Variants in ADGRB3 observed in about 807,000 individuals in gnomAD.
The protein encoded by ADGRB3 is brain-specific angiogenesis inhibitor 3.
In ADGRB3, 37 loss-of-function variants were observed where a neutral mutation model predicts 193.4. The ratio of observed to expected loss-of-function variants is 0.19; its 90% CI spans 0.15 to 0.25. ADGRB3 has a LOEUF of 0.25. Among genes scored for constraint, ADGRB3 ranks in the 10% least tolerant of loss-of-function variants. The probability of loss-of-function intolerance (pLI) is 1.00; values close to 1 mark genes in which losing one functional copy is unlikely to be tolerated. For missense variants in ADGRB3, 1,637 were observed against 1,852.9 expected (o/e 0.88, Z 2.14); for synonymous variants, 690 against 644.2 (o/e 1.07, Z -1.08).
At chr6:68,796,674 G>A (rs1006098371) in intron 3 of ADGRB3, among the ~76,000 whole-genome samples, 3 of 152,136 alleles carry the variant, frequency 2.0e-5, no homozygotes, top group Non-Finnish European at 4.4e-5. Flanking sequence ...TCTGTGCAAT[G>A]CAATGTTTGC....
intron 13 of ADGRB3, among the ~76,000 whole-genome samples, chr6:69,023,086 A>G (rs565475716): frequency 6.6e-6 from 1 of 152,228 alleles, no homozygotes; most frequent in South Asian, 2.1e-4. Context: ...ACTGAATTCA[A>G]GGAAGATCAG....
intron 3 of ADGRB3, among the ~76,000 whole-genome samples, chr6:68,899,863 A>G (rs1330919890): frequency 6.6e-6 from 1 of 152,124 alleles, no homozygotes; most frequent in Non-Finnish European, 1.5e-5. Flanking sequence ...ACAATGTGTT[A>G]GATAACTCTA....
chr6:68,785,927 A>G (rs1582200153), intron 3 of ADGRB3, among the ~76,000 whole-genome samples: 1 of 151,912 alleles, frequency 6.6e-6, no homozygotes, highest in Non-Finnish European at 1.5e-5. Flanking sequence ...GCATTTTTTC[A>G]TGTGTTTTTT....
intron 20 of ADGRB3, among the ~76,000 whole-genome samples, chr6:69,313,748 T>C (rs1474201483): frequency 6.6e-6 from 1 of 151,756 alleles, no homozygotes; most frequent in Non-Finnish European, 1.5e-5. Context: ...ACCCTTTGCT[T>C]ATTTATTTAA....
In ADGRB3 at chr6:68,959,746, A is replaced by T. The variant is rs140185199; in HGVS notation, c.1525+2937A>T. Among the ~76,000 whole-genome samples the T allele has an allele frequency of 3.2e-3, 493 of 152,242 alleles. 6 individuals carry two copies. The highest frequency in any genetic ancestry group is 0.011 in the African/African-American group (468 of 41,560). ...AATGTATTTCTTTTGTTTTCATAAAAAATAATTGTAGAAATAAGAAAACAT... is the reference window on the plus strand; with the variant it reads ...AATGTATTTCTTTTGTTTTCATAAATAATAATTGTAGAAATAAGAAAACAT... On this transcript the variant is annotated intron_variant, in intron 8 of 31. Transcript: ENST00000370598.
chr6:69,217,761 C>A (rs1052046790), intron 17 of ADGRB3, among the ~76,000 whole-genome samples: 15 of 152,164 alleles, frequency 9.9e-5, no homozygotes, highest in African/African-American at 3.6e-4. Flanking sequence ...CTCTTCACAG[C>A]CCCTTTGGCA....
At chr6:69,028,094 G>C (rs1358595255) in intron 13 of ADGRB3, among the ~76,000 whole-genome samples, 1 of 152,176 alleles carries the variant, frequency 6.6e-6, no homozygotes, top group Non-Finnish European at 1.5e-5. Context: ...TCAGCATTCT[G>C]TCATCATCCC....
chr6:68,832,594 T>C (rs1181262077), intron 3 of ADGRB3, among the ~76,000 whole-genome samples: 2 of 152,162 alleles, frequency 1.3e-5, no homozygotes, highest in Admixed American at 1.3e-4. Flanking sequence ...TCAATGTATC[T>C]TTTTTATCTA....
intron 20 of ADGRB3, among the ~76,000 whole-genome samples, chr6:69,304,085 C>T (rs1026716316): frequency 1.3e-4 from 20 of 151,520 alleles, no homozygotes; most frequent in Admixed American, 1.2e-3. Context: ...AACCAAAATA[C>T]AAGGGTTTTT....
intron 3 of ADGRB3, among the ~76,000 whole-genome samples, chr6:68,691,285 T>A (rs1765067582): frequency 6.6e-6 from 1 of 152,102 alleles, no homozygotes; most frequent in Non-Finnish European, 1.5e-5. Context: ...TTTCTTGCTT[T>A]TCTCTGAAAT....
intron 17 of ADGRB3, among the ~76,000 whole-genome samples, chr6:69,181,421 T>C (rs1280953645): frequency 6.6e-6 from 1 of 152,154 alleles, no homozygotes; most frequent in Non-Finnish European, 1.5e-5. Flanking sequence ...CATTTTTTTG[T>C]TTAAATTTCA....
At chr6:68,655,104 T>C (rs1047762659) in intron 3 of ADGRB3, among the ~76,000 whole-genome samples, 2 of 150,916 alleles carry the variant, frequency 1.3e-5, no homozygotes, top group Non-Finnish European at 3.0e-5. Context: ...TGTTACATAC[T>C]AGATTCTACA....
intron 20 of ADGRB3, among the ~76,000 whole-genome samples, chr6:69,290,101 G>A (rs1440018192): frequency 6.6e-6 from 1 of 152,046 alleles, no homozygotes; most frequent in Non-Finnish European, 1.5e-5. Flanking sequence ...TAAGCTCAGA[G>A]GATTAATTGT....
intron 17 of ADGRB3, among the ~76,000 whole-genome samples, chr6:69,212,532 A>T (rs1765689754): frequency 6.6e-6 from 1 of 152,152 alleles, no homozygotes; most frequent in Admixed American, 6.5e-5. Context: ...AAAGAAAAAA[A>T]AAATAAAGGA....
At chr6:69,134,657 T>C (rs1774102448) in intron 17 of ADGRB3, among the ~76,000 whole-genome samples, 1 of 151,506 alleles carries the variant, frequency 6.6e-6, no homozygotes, top group East Asian at 1.9e-4. Flanking sequence ...ATAAAGTTAC[T>C]GATGCTTTAT....
At chr6:68,980,503 T>C (rs577770145) in intron 10 of ADGRB3, among the ~76,000 whole-genome samples, 100 of 151,706 alleles carry the variant, frequency 6.6e-4, no homozygotes, top group African/African-American at 2.4e-3. Flanking sequence ...CACCATCTGA[T>C]TGCACAAATG....
intron 17 of ADGRB3, among the ~76,000 whole-genome samples, chr6:69,179,863 A>G (rs1372592336): frequency 6.6e-6 from 1 of 152,190 alleles, no homozygotes; most frequent in Non-Finnish European, 1.5e-5. Flanking sequence ...ATGACTAGGC[A>G]TGTACTTGAT....
chr6:69,185,598 CT>C (rs1765049623), intron 17 of ADGRB3, among the ~76,000 whole-genome samples: 1 of 152,104 alleles, frequency 6.6e-6, no homozygotes, highest in Non-Finnish European at 1.5e-5. Context: ...TTTTAAAGGA[CT>C]ACGTTCATTC....
intron 8 of ADGRB3, among the ~76,000 whole-genome samples, chr6:68,974,242 A>C (rs1370542229): frequency 6.6e-6 from 1 of 152,200 alleles, no homozygotes; most frequent in Non-Finnish European, 1.5e-5. Flanking sequence ...AATAGTCTAC[A>C]CAGTAAGCAG....
Sources: allele counts gnomAD v4.1 joint callset (sites outside exome capture counted in the v4.1 genomes callset), GRCh38; gene constraint gnomAD v4.1.1; transcripts MANE v1.5; gene names NCBI Gene and HGNC (gene_info 2026-07-23, HGNC 2026-07-21).